ARHGAP42: variants seen among roughly 807,000 people sequenced by gnomAD.
ARHGAP42 encodes rho GTPase-activating protein 42.
Under a neutral mutation model 125.0 loss-of-function variants are expected in ARHGAP42, and 63 were observed. That is an observed-to-expected ratio of 0.50 (90% confidence interval 0.41 to 0.62). The LOEUF (loss-of-function observed/expected upper bound fraction) is 0.62. Among genes scored for constraint, ARHGAP42 ranks in the 20% least tolerant of loss-of-function variants. ARHGAP42 has a pLI of 0.00. For missense variants in ARHGAP42, 766 were observed against 1,024.2 expected (o/e 0.75, Z 3.44); for synonymous variants, 339 against 351.0 (o/e 0.97, Z 0.38).
intron 1 of ARHGAP42, among the ~76,000 whole-genome samples, chr11:100,755,637 T>C (rs1862555889): frequency 6.6e-6 from 1 of 152,226 alleles, no homozygotes; most frequent in Non-Finnish European, 1.5e-5. Context: ...TCTTTGAGTC[T>C]CATTGTCTTG....
intron 1 of ARHGAP42, among the ~76,000 whole-genome samples, chr11:100,712,743 G>A (rs1435664189): frequency 6.6e-6 from 1 of 152,172 alleles, no homozygotes; most frequent in South Asian, 2.1e-4. Flanking sequence ...GAATTGATCA[G>A]GTAGAAGCTG....
At chr11:100,971,187 G>T (rs1337138512) in intron 17 of ARHGAP42, among the ~76,000 whole-genome samples, 1 of 151,830 alleles carries the variant, frequency 6.6e-6, no homozygotes, top group African/African-American at 2.4e-5. Flanking sequence ...TATTCTTTAA[G>T]TTTTTTTTAT....
intron 3 of ARHGAP42, among the ~76,000 whole-genome samples, chr11:100,830,810 G>T (rs1205065645): frequency 6.6e-6 from 1 of 152,108 alleles, no homozygotes; most frequent in African/African-American, 2.4e-5. Context: ...CAATTTGTCA[G>T]CTCGGGCAAG....
chr11:100,922,180 G>C (rs1443206668), intron 6 of ARHGAP42, among the ~76,000 whole-genome samples: 1 of 152,164 alleles, frequency 6.6e-6, no homozygotes, highest in Non-Finnish European at 1.5e-5. Flanking sequence ...CAAATGTTTA[G>C]ACGGAGAGGG....
chr11:100,791,086 G>A (rs1186697357), intron 2 of ARHGAP42, among the ~76,000 whole-genome samples: 1 of 152,112 alleles, frequency 6.6e-6, no homozygotes, highest in Non-Finnish European at 1.5e-5. Context: ...TTTTGTGTAT[G>A]CTTTTTGTCC....
chr11:100,943,610 C>T, intron 9 of ARHGAP42, 149 bp from the exon 10 acceptor site: 1 of 509,032 alleles, frequency 2.0e-6, no homozygotes. Flanking sequence ...CAGCTAACAT[C>T]AGGAATAAAA....
chr11:100,983,547 G>A (rs1051205259), intron 22 of ARHGAP42, among the ~76,000 whole-genome samples: 1 of 152,288 alleles, frequency 6.6e-6, no homozygotes, highest in South Asian at 2.1e-4. Context: ...TGGTAGGGGA[G>A]TTCACTGTAT....
intron 12 of ARHGAP42, among the ~76,000 whole-genome samples, chr11:100,952,573 C>A (rs1353950743): frequency 6.6e-6 from 1 of 151,936 alleles, no homozygotes; most frequent in Non-Finnish European, 1.5e-5. Context: ...TTTGCTCACC[C>A]AAACAGAATC....
Position 100,913,437 on chromosome 11 carries a change from A to T in ARHGAP42, c.385-15A>T, listed in dbSNP as rs1337277882. The T allele has an allele frequency of 3.4e-6, 4 of 1,193,588 alleles. No homozygotes were observed. Among genetic ancestry groups the T allele is most frequent in the Non-Finnish European group, 4.3e-6 (4 of 920,290 alleles). The allele number at this position is 1,193,588 out of a possible 1,614,324, so 73.9% of individuals were successfully genotyped here. On this transcript the variant is annotated splice_polypyrimidine_tract_variant and intron_variant, in intron 4 of 23. Coordinates refer to ENST00000298815, the MANE Select transcript of ARHGAP42 (RefSeq NM_152432.4). ...TCTGAGTTAAATATTTTTTGTTGTTATTGCTCTCCTTTAGGATGGAAAGAA... is the reference window on the plus strand; with the variant it reads ...TCTGAGTTAAATATTTTTTGTTGTTTTTGCTCTCCTTTAGGATGGAAAGAA...
intron 4 of ARHGAP42, among the ~76,000 whole-genome samples, chr11:100,899,351 A>G (rs1866461759): frequency 1.3e-5 from 2 of 152,166 alleles, no homozygotes; most frequent in South Asian, 2.1e-4. Flanking sequence ...GGAGATGTCT[A>G]TTGGGTCTGC....
intron 2 of ARHGAP42, among the ~76,000 whole-genome samples, chr11:100,781,608 A>T (rs1863313243): frequency 2.0e-5 from 3 of 152,240 alleles, no homozygotes; most frequent in African/African-American, 4.8e-5. Flanking sequence ...CAAAACAGAA[A>T]TAAATCCTCA....
chr11:100,812,647 A>T (rs747275739), intron 3 of ARHGAP42, among the ~76,000 whole-genome samples: 1 of 152,168 alleles, frequency 6.6e-6, no homozygotes, highest in Non-Finnish European at 1.5e-5. Flanking sequence ...CTCTCTTGGG[A>T]AAATGCTTTT....
intron 3 of ARHGAP42, among the ~76,000 whole-genome samples, chr11:100,848,407 G>C (rs899253074): frequency 6.6e-6 from 1 of 152,038 alleles, no homozygotes; most frequent in Non-Finnish European, 1.5e-5. Context: ...TTTGGGGACC[G>C]GGTTAACATG....
At chr11:100,735,035 G>A (rs1466478688) in intron 1 of ARHGAP42, among the ~76,000 whole-genome samples, 2 of 151,386 alleles carry the variant, frequency 1.3e-5, no homozygotes, top group African/African-American at 4.9e-5. Flanking sequence ...ACAAAACCCT[G>A]TGTTTGGGGT....
chr11:100,728,387 T>A (rs1006493870), intron 1 of ARHGAP42, among the ~76,000 whole-genome samples: 6 of 152,114 alleles, frequency 3.9e-5, no homozygotes, highest in African/African-American at 1.4e-4. Flanking sequence ...AGGGGCTTAC[T>A]GACTAGAAAG....
intron 3 of ARHGAP42, among the ~76,000 whole-genome samples, chr11:100,852,001 C>T (rs777150662): frequency 3.9e-5 from 6 of 152,184 alleles, no homozygotes; most frequent in Non-Finnish European, 7.4e-5. Flanking sequence ...CTGTGAGCCA[C>T]TATGAGCCTG....
intron 1 of ARHGAP42, among the ~76,000 whole-genome samples, chr11:100,735,204 T>C (rs922120973): frequency 2.0e-5 from 3 of 152,244 alleles, no homozygotes; most frequent in African/African-American, 7.2e-5. Flanking sequence ...CAGTTTTCTC[T>C]AGTACATATT....
intron 1 of ARHGAP42, among the ~76,000 whole-genome samples, chr11:100,737,612 A>T (rs1274489408): frequency 6.6e-6 from 1 of 152,208 alleles, no homozygotes; most frequent in Non-Finnish European, 1.5e-5. Flanking sequence ...TCCATGAGAT[A>T]GAGGTGTCTT....
At chr11:100,933,345 T>C (rs1867638252) in intron 7 of ARHGAP42, 85 bp downstream of exon 7, 8 of 1,005,426 alleles carry the variant, frequency 8.0e-6, no homozygotes, top group Non-Finnish European at 1.0e-5. Context: ...TTTTTCTAGC[T>C]GCTAGTGGAA....
Sources: allele counts gnomAD v4.1 joint callset (sites outside exome capture counted in the v4.1 genomes callset), GRCh38; gene constraint gnomAD v4.1.1; transcripts MANE v1.5; gene names NCBI Gene and HGNC (gene_info 2026-07-23, HGNC 2026-07-21).